The following KDM3A variants were observed in gnomAD, a reference collection of about 807,000 sequenced individuals.
The protein encoded by KDM3A is lysine demethylase 3A.
KDM3A carries 60 observed loss-of-function variants against 158.0 expected under a neutral mutation model. The ratio of observed to expected loss-of-function variants is 0.38; its 90% CI spans 0.31 to 0.47. The LOEUF (loss-of-function observed/expected upper bound fraction) is 0.47. Ranked by LOEUF, KDM3A falls within the 20% of genes least tolerant of loss-of-function variation. KDM3A has a pLI of 0.99. For synonymous variants in KDM3A, 608 were observed against 549.3 expected (o/e 1.11, Z -1.49); for missense variants, 1,319 against 1,574.3 (o/e 0.84, Z 2.74).
At chr2:86,451,001 A>G (rs57145635) in intron 3 of KDM3A, 102 bp from the exon 4 acceptor site, 29,183 of 650,530 alleles carry the variant, frequency 0.045, 950 homozygotes, top group African/African-American at 0.1. Flanking sequence ...AAAAAAAATT[A>G]GTGGCTTTAT....
intron 8 of KDM3A, among the ~76,000 whole-genome samples, chr2:86,462,395 A>G (rs1376810450): frequency 6.6e-6 from 1 of 152,174 alleles, no homozygotes; most frequent in Admixed American, 6.5e-5. Flanking sequence ...AGCCTTGAAT[A>G]AGCATTTCAA....
At position 86,485,879 on chromosome 2, in the gene KDM3A, C is replaced by T. The variant is rs374095027; in HGVS notation, c.3313+20C>T. On this transcript the variant is annotated intron_variant, in intron 21 of 25. Coordinates refer to ENST00000312912, the MANE Select transcript of KDM3A (RefSeq NM_018433.6). The stretch of plus-strand genomic sequence containing the variant: ...CTTATGGTAAGGAGGAGATGGCTAA[C>T]TTTAAAATGGAAATAAAACAATTCA... The T allele has an allele frequency of 1.4e-4, 225 of 1,599,966 alleles. No homozygotes were observed. The highest frequency in any genetic ancestry group is 5.0e-4 in the Middle Eastern group (3 of 5,988).
At chr2:86,457,947 T>C (rs1672775007) in intron 8 of KDM3A, among the ~76,000 whole-genome samples, 1 of 152,218 alleles carries the variant, frequency 6.6e-6, no homozygotes, top group South Asian at 2.1e-4. Flanking sequence ...ATTAAATCAT[T>C]AGGACCTATT....
At chr2:86,490,814 AG>A in intron 23 of KDM3A, 66 bp from the exon 24 acceptor site, 3 of 1,239,272 alleles carry the variant, frequency 2.4e-6, no homozygotes, top group Non-Finnish European at 3.4e-6. Flanking sequence ...CACTGTTTAG[AG>A]GAAAAAAATG....
chr2:86,455,165 A>G lies in KDM3A; in HGVS notation c.534A>G (p.Leu178=), dbSNP rs755996913. The G allele has an allele frequency of 4.4e-6, 7 of 1,597,756 alleles. No individual in the cohort carries two copies. Among genetic ancestry groups the G allele is most frequent in the Middle Eastern group, 1.7e-4 (1 of 6,006 alleles). The change falls in exon 5 of 26, where the codon TTA becomes TTG. Residue 178 remains leucine (L), a synonymous_variant. Coordinates refer to ENST00000312912, the MANE Select transcript of KDM3A (RefSeq NM_018433.6). ...TTCAAGCTTTGATTGTGAAGCATTT[A>G]GATGAAAGCCATCTTTTAAAAGGTA... The part of the protein sequence containing the change: ...KEFQALIVKH[L]DESHLLKGDK...
chr2:86,489,577 T>C lies in KDM3A; in HGVS notation c.3491T>C (p.Ile1164Thr), dbSNP rs1674356913. The change falls in exon 23 of 26, where the codon ATT becomes ACT. Residue 1164 changes from isoleucine (I) to threonine (T), a missense_variant. This residue lies in a region of KDM3A where 186 missense variants were observed against 340.9 expected (regional missense o/e 0.55). Coordinates refer to ENST00000312912, the MANE Select transcript of KDM3A (RefSeq NM_018433.6). ...GACGAACTCACAATAAAGCGATTTA[T>C]TGAAGGAAAAGAGAAGCCAGGAGCA... ...DSDELTIKRF[I>T]EGKEKPGALW... 1.2e-6 allele frequency: 2 copies of C among 1,613,878 alleles called. No homozygotes were observed. The highest frequency in any genetic ancestry group is 1.7e-6 in the Non-Finnish European group (2 of 1,179,978).
At chr2:86,444,049 A>G (rs1025767279) in intron 2 of KDM3A, among the ~76,000 whole-genome samples, 3 of 152,206 alleles carry the variant, frequency 2.0e-5, no homozygotes, top group African/African-American at 7.2e-5. Context: ...CTTCTGTAGC[A>G]GCAATTGAGG....
intron 10 of KDM3A, 48 bp downstream of exon 10, chr2:86,466,931 A>C: frequency 7.3e-7 from 1 of 1,379,256 alleles, no homozygotes; most frequent in Non-Finnish European, 9.9e-7. Flanking sequence ...GAAATGGTAG[A>C]TATATATATC....
intron 23 of KDM3A, 183 bp from the exon 24 acceptor site, chr2:86,490,698 T>G: frequency 1.9e-6 from 1 of 528,220 alleles, no homozygotes; most frequent in Non-Finnish European, 3.3e-6. Flanking sequence ...ATTTTCTTCG[T>G]CATTCTTCTG....
intron 21 of KDM3A, among the ~76,000 whole-genome samples, chr2:86,486,172 G>A (rs975806954): frequency 1.3e-5 from 2 of 152,168 alleles, no homozygotes; most frequent in African/African-American, 4.8e-5. Context: ...ATCATTGAGA[G>A]AATGTACTTT....
At chr2:86,437,812 T>G (rs1682515484), upstream of KDM3A, among the ~76,000 whole-genome samples, 1 of 152,190 alleles carries the variant, frequency 6.6e-6, no homozygotes, top group African/African-American at 2.4e-5. Context: ...TGATGCTTGC[T>G]AAGGAATAGG....
chr2:86,447,164 A>G (rs576369794), intron 2 of KDM3A, among the ~76,000 whole-genome samples: 8 of 152,194 alleles, frequency 5.3e-5, no homozygotes, highest in Non-Finnish European at 1.0e-4. Flanking sequence ...GAAAGCTCAC[A>G]ACTTGTTGGT....
chr2:86,438,570 A>AT (rs1682529523), upstream of KDM3A, among the ~76,000 whole-genome samples: 1 of 152,086 alleles, frequency 6.6e-6, no homozygotes, highest in South Asian at 2.1e-4. Flanking sequence ...CCATTCCACA[A>AT]TGTATATCTA....
chr2:86,439,569 CTTGAG>C (rs557983494), upstream of KDM3A, among the ~76,000 whole-genome samples: 25 of 152,050 alleles, frequency 1.6e-4, no homozygotes, highest in South Asian at 4.8e-3. Context: ...GAATTTTTCC[CTTGAG>C]TTGTTTTTCA....
intron 4 of KDM3A, among the ~76,000 whole-genome samples, chr2:86,453,158 T>C (rs1225962918): frequency 6.6e-6 from 1 of 152,222 alleles, no homozygotes; most frequent in Non-Finnish European, 1.5e-5. Context: ...TAAGTTTATA[T>C]TTGTTCTCGG....
At position 86,457,063 on chromosome 2, in the gene KDM3A, T is replaced by G; in HGVS notation, c.835T>G (p.Cys279Gly). The G allele has an allele frequency of 1.3e-6, 2 of 1,578,128 alleles. No individual in the cohort carries two copies. The highest frequency in any genetic ancestry group is 2.7e-5 in the African/African-American group (2 of 74,256). ...GTLVSKQAKS[C>G]SEASPSMCPV... ...CCTGGTTTCCAAACAAGCAAAATCT[T>G]GCTCTGAGGTAACCTTTATTTATGT... The change falls in exon 8 of 26, where the codon TGC (cysteine) becomes GGC (glycine). Residue 279 changes from cysteine to glycine, a missense_variant. Physicochemically the swap from Cys to Gly is radical, Grantham distance 159. Around this residue, in one of 4 missense-constraint regions of KDM3A, gnomAD observed 652 missense variants for 627.2 expected, o/e 1.04. Coordinates refer to ENST00000312912, the MANE Select transcript of KDM3A (RefSeq NM_018433.6).
chr2:86,475,040 G>A (rs757256648), intron 12 of KDM3A, 50 bp downstream of exon 12: 10 of 1,443,060 alleles, frequency 6.9e-6, no homozygotes, highest in Admixed American at 1.8e-5. Flanking sequence ...TTTGATTTTT[G>A]TTCCTAAGTG....
Position 86,478,152 on chromosome 2 carries a change from C to A in KDM3A, c.2093-18C>A, listed in dbSNP as rs780956657. The A allele has an allele frequency of 1.2e-6, 2 of 1,611,240 alleles. No individual in the cohort carries two copies. Among genetic ancestry groups the A allele is most frequent in the East Asian group, 2.2e-5 (1 of 44,848 alleles). Reference sequence around the variant, plus strand: ...CAGAGTCTGTAAAGAACAGTTACTACAAATCAGTTATTTGCAGGTGCTGCT... The same window carrying A: ...CAGAGTCTGTAAAGAACAGTTACTAAAAATCAGTTATTTGCAGGTGCTGCT... On this transcript the variant is annotated intron_variant, in intron 13 of 25. Transcript: ENST00000312912.
At chr2:86,456,754 GTTC>G in intron 6 of KDM3A, 48 bp from the exon 7 acceptor site, 2 of 1,468,828 alleles carry the variant, frequency 1.4e-6, no homozygotes, top group Non-Finnish European at 1.9e-6. Flanking sequence ...TTTTCAGTAT[GTTC>G]TTGAGCATTT....
Sources: allele counts gnomAD v4.1 joint callset (sites outside exome capture counted in the v4.1 genomes callset), GRCh38; gene constraint gnomAD v4.1.1; regional missense constraint gnomAD v4.1.1; transcripts MANE v1.5; gene names NCBI Gene and HGNC (gene_info 2026-07-23, HGNC 2026-07-21).